Variants in GPALPP1 observed in about 807,000 individuals in gnomAD.
The protein encoded by GPALPP1 is GPALPP motifs-containing protein 1.
A neutral mutation model predicts 38.9 loss-of-function variants in GPALPP1; 30 were observed. That is an observed-to-expected ratio of 0.77 (90% CI 0.58 to 1.05). GPALPP1 has a LOEUF of 1.05. Ranked by LOEUF, GPALPP1 falls within the 50% of genes least tolerant of loss-of-function variation. The probability of loss-of-function intolerance (pLI) is 0.00; values close to 1 mark genes in which losing one functional copy is unlikely to be tolerated. For missense variants in GPALPP1, 384 were observed against 408.8 expected (o/e 0.94, Z 0.52); for synonymous variants, 120 against 139.2 (o/e 0.86, Z 0.97).
At chr13:44,998,631 T>C (rs1474762808) in intron 1 of GPALPP1, among the ~76,000 whole-genome samples, 6 of 152,208 alleles carry the variant, frequency 3.9e-5, no homozygotes, top group Non-Finnish European at 8.8e-5. Context: ...GTCCCCACCT[T>C]CTTTGCCCAG....
At chr13:45,023,439 C>G (rs1875563430) in intron 7 of GPALPP1, among the ~76,000 whole-genome samples, 1 of 152,154 alleles carries the variant, frequency 6.6e-6, no homozygotes, top group South Asian at 2.1e-4. Flanking sequence ...TATTGATGTT[C>G]AATTTACTAA....
chr13:44,989,573 G>C lies in GPALPP1; in HGVS notation c.-82G>C. On this transcript the variant is annotated 5_prime_UTR_variant, in exon 1 of 8. Transcript: ENST00000379151. ...GGCGCCGGGAAACCTGCCATTCTTC[G>C]CTGCTGATCGCGGGATTCTTTTTGG... is the stretch of plus-strand genomic sequence containing the variant. 1 of 1,487,686 alleles carries C rather than the reference G, an allele frequency of 6.7e-7. No homozygotes were observed. The highest frequency in any genetic ancestry group is 1.8e-5 in the Admixed American group (1 of 56,628). 92.2% of individuals were successfully genotyped at this position (1,487,686 alleles called of 1,614,324 possible). A position where few individuals can be genotyped will look rare whatever the true frequency, so the allele number is the denominator to read the frequency against.
At chr13:45,023,938 C>G (rs994201244) in intron 7 of GPALPP1, among the ~76,000 whole-genome samples, 4 of 152,268 alleles carry the variant, frequency 2.6e-5, no homozygotes, top group East Asian at 3.9e-4. Context: ...TACCAAACTA[C>G]TAGAAAGAAT....
At chr13:44,991,173 G>C (rs1872771078) in intron 1 of GPALPP1, among the ~76,000 whole-genome samples, 1 of 152,100 alleles carries the variant, frequency 6.6e-6, no homozygotes, top group South Asian at 2.1e-4. Context: ...ATAAGGCCAG[G>C]TGCGGTGGCT....
intron 2 of GPALPP1, among the ~76,000 whole-genome samples, chr13:45,004,797 G>A (rs780498756): frequency 2.6e-5 from 4 of 151,226 alleles, no homozygotes; most frequent in Non-Finnish European, 5.9e-5. Flanking sequence ...ACAGGTGCCC[G>A]CAAATTTTTG....
intron 6 of GPALPP1, among the ~76,000 whole-genome samples, chr13:45,019,114 T>G (rs1875191897): frequency 1.4e-5 from 2 of 142,834 alleles, no homozygotes; most frequent in Admixed American, 1.5e-4. Context: ...TATATTTATA[T>G]GTATATATAT....
intron 1 of GPALPP1, among the ~76,000 whole-genome samples, chr13:45,003,542 ATGAT>A (rs1873841181): frequency 6.6e-6 from 1 of 152,190 alleles, no homozygotes; most frequent in African/African-American, 2.4e-5. Flanking sequence ...CTTGGGAACT[ATGAT>A]AGTAGGCTTT....
chr13:45,006,552 G>A (rs1874115154), intron 3 of GPALPP1, among the ~76,000 whole-genome samples: 1 of 152,112 alleles, frequency 6.6e-6, no homozygotes, highest in Non-Finnish European at 1.5e-5. Flanking sequence ...AGTGTTTTGT[G>A]GTAAACGAGG....
In GPALPP1 at chr13:45,029,436, C is replaced by T. The variant is rs1206652538; in HGVS notation, c.*1433C>T. On this transcript the variant is annotated 3_prime_UTR_variant, in exon 8 of 8. Transcript: ENST00000379151. ...TATGTAGAACAGAATATTCTATGTG[C>T]CTTTAGCTTCTGTGGAAGTATGGGG... 6.6e-6 allele frequency: 1 copy of T among 152,048 alleles called. No individual in the cohort carries two copies. Among genetic ancestry groups the T allele is most frequent in the Non-Finnish European group, 1.5e-5 (1 of 68,014 alleles). The allele number at this position is 152,048 out of a possible 1,614,324, so 9.4% of individuals were successfully genotyped here. A position where few individuals can be genotyped will look rare whatever the true frequency, so the allele number is the denominator to read the frequency against.
At chr13:45,035,049 C>T (rs971489880), downstream of GPALPP1, 18 of 148,764 alleles carry the variant, frequency 1.2e-4, no homozygotes, top group Admixed American at 2.7e-4. Context: ...CTCCGCCTCT[C>T]GGGTTCACGC....
At chr13:45,003,081 T>A (rs1291148133) in intron 1 of GPALPP1, among the ~76,000 whole-genome samples, 1 of 152,210 alleles carries the variant, frequency 6.6e-6, no homozygotes, top group East Asian at 1.9e-4. Context: ...TTGCTGACTA[T>A]TGAGTATTGG....
chr13:44,993,451 A>T (rs976277984), intron 1 of GPALPP1, among the ~76,000 whole-genome samples: 1 of 152,160 alleles, frequency 6.6e-6, no homozygotes, highest in East Asian at 1.9e-4. Flanking sequence ...AGCCTGGCCA[A>T]CATGGTGAAA....
chr13:45,005,885 G>A (rs1310056331), intron 2 of GPALPP1, among the ~76,000 whole-genome samples: 2 of 152,050 alleles, frequency 1.3e-5, no homozygotes, highest in Non-Finnish European at 2.9e-5. Flanking sequence ...AATTAGCTGG[G>A]CGTGGTGGCG....
At chr13:44,993,827 T>A (rs1454805665) in intron 1 of GPALPP1, among the ~76,000 whole-genome samples, 1 of 142,868 alleles carries the variant, frequency 7.0e-6, no homozygotes, top group African/African-American at 2.5e-5. Flanking sequence ...TTTTTTTTTT[T>A]ATAATAGTCA....
chr13:45,015,358 G>T (rs889048360), intron 5 of GPALPP1, 74 bp from the exon 6 acceptor site: 2 of 858,704 alleles, frequency 2.3e-6, no homozygotes, highest in Non-Finnish European at 3.5e-6. Flanking sequence ...TGACACAGTT[G>T]CTTGTACATA....
At chr13:45,006,448 AGTT>A in intron 3 of GPALPP1, 145 bp downstream of exon 3, 1 of 520,142 alleles carries the variant, frequency 1.9e-6, no homozygotes. Context: ...CAGGAAAAGA[AGTT>A]GTTTCCTACA....
chr13:45,016,772 C>T (rs1405929410), intron 6 of GPALPP1, among the ~76,000 whole-genome samples: 1 of 152,140 alleles, frequency 6.6e-6, no homozygotes, highest in Non-Finnish European at 1.5e-5. Context: ...GCCTCAGCCT[C>T]CTGAGGAGCT....
intron 4 of GPALPP1, among the ~76,000 whole-genome samples, chr13:45,012,450 C>T (rs899529924): frequency 6.6e-6 from 1 of 152,016 alleles, no homozygotes; most frequent in African/African-American, 2.4e-5. Flanking sequence ...TGAGTGATGA[C>T]ATATTGGTGT....
intron 2 of GPALPP1, 67 bp from the exon 3 acceptor site, chr13:45,006,135 A>G (rs1874080308): frequency 1.2e-6 from 1 of 823,502 alleles, no homozygotes; most frequent in Non-Finnish European, 2.0e-6. Context: ...TTTAAAAAAA[A>G]TTAAAATGTG....
Sources: allele counts gnomAD v4.1 joint callset (sites outside exome capture counted in the v4.1 genomes callset), GRCh38; gene constraint gnomAD v4.1.1; transcripts MANE v1.5; gene names NCBI Gene and HGNC (gene_info 2026-07-23, HGNC 2026-07-21).